Variants in ETV6 observed in about 807,000 individuals in gnomAD.
ETV6 encodes transcription factor ETV6.
Under a neutral mutation model 51.1 loss-of-function variants are expected in ETV6, and 16 were observed. The observed-to-expected ratio is 0.31, with a 90% CI of 0.21 to 0.48. The LOEUF (loss-of-function observed/expected upper bound fraction) is 0.48, where lower values mean the gene tolerates loss of function less well. ETV6 is among the 20% of genes least tolerant of loss of function. The pLI is 0.99. For missense variants in ETV6, 458 were observed against 594.8 expected, an observed-to-expected ratio of 0.77 and a Z score of 2.39; for synonymous variants, 240 against 224.1, an observed-to-expected ratio of 1.07 and a Z score of -0.64.
intron 2 of ETV6, among the ~76,000 whole-genome samples, chr12:11,793,345 T>A (rs950568480): frequency 1.3e-5 from 2 of 152,270 alleles, no homozygotes; most frequent in Non-Finnish European, 2.9e-5. Flanking sequence ...AGCTCCCCTG[T>A]TCATTTAACC....
At chr12:11,688,438 A>G (rs948998377) in intron 1 of ETV6, among the ~76,000 whole-genome samples, 2 of 152,234 alleles carry the variant, frequency 1.3e-5, no homozygotes, top group Middle Eastern at 3.4e-3. Flanking sequence ...GTGGCTGTCT[A>G]GTGGTTTGAT....
intron 1 of ETV6, among the ~76,000 whole-genome samples, chr12:11,696,420 A>G (rs1252955035): frequency 6.6e-6 from 1 of 152,226 alleles, no homozygotes; most frequent in Non-Finnish European, 1.5e-5. Flanking sequence ...TGTGAGTAAA[A>G]TAGGGATTAA....
intron 1 of ETV6, among the ~76,000 whole-genome samples, chr12:11,678,971 T>C (rs1864474318): frequency 6.6e-6 from 1 of 152,182 alleles, no homozygotes; most frequent in African/African-American, 2.4e-5. Flanking sequence ...GGAGACTGCT[T>C]TACTGTTCAG....
At position 11,893,393 on chromosome 12, in the gene ETV6, C is replaced by T. The variant is rs1947327204; in HGVS notation, c.*2347C>T. Reference sequence around the variant, plus strand: ...CAGTTGAATTATGGAGGGAAATTCCCTTTTGCCCCAAGCATTTCTATATTT... The same window carrying T: ...CAGTTGAATTATGGAGGGAAATTCCTTTTTGCCCCAAGCATTTCTATATTT... On this transcript the variant is annotated 3_prime_UTR_variant, in exon 8 of 8. Coordinates refer to ENST00000396373, the MANE Select transcript of ETV6 (RefSeq NM_001987.5). 1 of 232,126 alleles carries T rather than the reference C, an allele frequency of 4.3e-6. No individual in the cohort carries two copies. Among genetic ancestry groups the T allele is most frequent in the South Asian group, 1.8e-4 (1 of 5,504 alleles). The allele number at this position is 232,126 out of a possible 1,614,324, so 14.4% of individuals were successfully genotyped here.
intron 2 of ETV6, among the ~76,000 whole-genome samples, chr12:11,759,403 G>A (rs1945050341): frequency 6.6e-6 from 1 of 152,112 alleles, no homozygotes; most frequent in Non-Finnish European, 1.5e-5. Flanking sequence ...GGAAACTGTT[G>A]ACAATGGGTT....
chr12:11,883,276 C>CTTCTTCCT (rs776231778), intron 5 of ETV6, among the ~76,000 whole-genome samples: 1 of 79,116 alleles, frequency 1.3e-5, no homozygotes, highest in Admixed American at 1.6e-4. Context: ...ATGTCTTCTT[C>CTTCTTCCT]TTTTTTTTTT....
At chr12:11,747,058 A>G (rs1865922585) in intron 1 of ETV6, among the ~76,000 whole-genome samples, 1 of 152,180 alleles carries the variant, frequency 6.6e-6, no homozygotes, top group African/African-American at 2.4e-5. Context: ...GCTCCTTGGA[A>G]GATCCCCACA....
chr12:11,822,166 G>A (rs183366827), intron 2 of ETV6, among the ~76,000 whole-genome samples: 2 of 152,298 alleles, frequency 1.3e-5, no homozygotes, highest in Admixed American at 1.3e-4. Context: ...GATCCGGGAC[G>A]CGAGGCATAG....
chr12:11,847,035 A>C (rs903942511), intron 3 of ETV6, among the ~76,000 whole-genome samples: 1 of 152,120 alleles, frequency 6.6e-6, no homozygotes, highest in Non-Finnish European at 1.5e-5. Context: ...CGGCATGGCA[A>C]GGTGCGGCGG....
At chr12:11,678,622 CAG>C (rs1456606456) in intron 1 of ETV6, among the ~76,000 whole-genome samples, 1 of 152,124 alleles carries the variant, frequency 6.6e-6, no homozygotes, top group African/African-American at 2.4e-5. Context: ...TCCAGAGAAA[CAG>C]AACCACAAGG....
intron 2 of ETV6, among the ~76,000 whole-genome samples, chr12:11,820,116 CCGAGTTTTA>C (rs1240560071): frequency 1.3e-5 from 2 of 152,198 alleles, no homozygotes; most frequent in Non-Finnish European, 2.9e-5. Context: ...CTGTTACTAT[CCGAGTTTTA>C]CAGTGGAGGA....
chr12:11,823,897 A>G (rs151204959), intron 2 of ETV6, among the ~76,000 whole-genome samples: 2,373 of 152,178 alleles, frequency 0.016, 65 homozygotes, highest in African/African-American at 0.054. Flanking sequence ...CTTCCTGTGT[A>G]TCCCCTGTGG....
At chr12:11,872,794 C>T (rs1946902747) in intron 5 of ETV6, among the ~76,000 whole-genome samples, 1 of 152,100 alleles carries the variant, frequency 6.6e-6, no homozygotes, top group African/African-American at 2.4e-5. Context: ...CTGCACCCAG[C>T]CTATACTACT....
chr12:11,692,242 C>A (rs1864780770), intron 1 of ETV6, among the ~76,000 whole-genome samples: 1 of 152,122 alleles, frequency 6.6e-6, no homozygotes, highest in South Asian at 2.1e-4. Context: ...AGCTAGCATG[C>A]TCTGCCCCTT....
intron 1 of ETV6, among the ~76,000 whole-genome samples, chr12:11,714,681 A>T (rs1865241062): frequency 3.5e-5 from 5 of 142,196 alleles, no homozygotes; most frequent in Non-Finnish European, 6.1e-5. Flanking sequence ...AAGATCTGTG[A>T]TGGAAGACAC....
chr12:11,684,883 G>A (rs777823021), intron 1 of ETV6, among the ~76,000 whole-genome samples: 1 of 152,168 alleles, frequency 6.6e-6, no homozygotes, highest in Non-Finnish European at 1.5e-5. Context: ...TGAGGAAACA[G>A]ACAAAATGTA....
At chr12:11,775,755 A>G (rs557119249) in intron 2 of ETV6, among the ~76,000 whole-genome samples, 5 of 152,294 alleles carry the variant, frequency 3.3e-5, no homozygotes, top group African/African-American at 1.2e-4. Flanking sequence ...GAACGTGATA[A>G]ACCATACAAG....
intron 1 of ETV6, among the ~76,000 whole-genome samples, chr12:11,727,630 A>C (rs1016434707): frequency 4.0e-5 from 6 of 151,774 alleles, no homozygotes; most frequent in Non-Finnish European, 2.9e-5. Context: ...GCGTGGGGGG[A>C]ATGGATCTGT....
intron 3 of ETV6, among the ~76,000 whole-genome samples, chr12:11,846,355 C>T (rs1409153454): frequency 6.6e-6 from 1 of 152,054 alleles, no homozygotes; most frequent in Non-Finnish European, 1.5e-5. Context: ...ATGTACATAG[C>T]AAATCATCAC....
Sources: gnomAD v4.1 joint callset for allele counts (sites outside exome capture counted in the v4.1 genomes callset) on GRCh38, gnomAD v4.1.1 for gene constraint, MANE v1.5 for transcripts, NCBI Gene and HGNC (gene_info 2026-07-23, HGNC 2026-07-21) for gene names.